Variants in GABRA2 observed in about 807,000 individuals in gnomAD.
GABRA2 encodes the protein gamma-aminobutyric acid receptor subunit alpha-2.
A neutral mutation model predicts 48.7 loss-of-function variants in GABRA2; 16 were observed. The observed-to-expected ratio is 0.33, with a 90% CI of 0.22 to 0.50. GABRA2 has a LOEUF of 0.50. GABRA2 is among the 20% of genes least tolerant of loss of function. The pLI, the probability that GABRA2 is intolerant of heterozygous loss-of-function variation, is 0.98. For missense variants in GABRA2, 275 were observed against 535.6 expected (o/e 0.51, Z 4.80); for synonymous variants, 185 against 184.5 (o/e 1.00, Z -0.02).
In GABRA2 at chr4:46,271,994, A is replaced by C. The variant is rs144912741; in HGVS notation, c.857-9866T>G. 7.8e-3 allele frequency among the ~76,000 whole-genome samples: 1,179 copies of C among 151,984 alleles called. 6 individuals are homozygous for C. The highest frequency in any genetic ancestry group is 0.034 in the Middle Eastern group (10 of 294). ...TTATTTAGCTACCTTCTATGTCTTT[A>C]CTTAATAAATTATTATTAAGTGCCT... On this transcript the variant is annotated intron_variant, in intron 8 of 9. Transcript: ENST00000381620.
chr4:46,379,521 TAATA>T (rs1389725799), intron 3 of GABRA2, among the ~76,000 whole-genome samples: 1 of 152,206 alleles, frequency 6.6e-6, no homozygotes, highest in Non-Finnish European at 1.5e-5. Flanking sequence ...ACTCATGAAA[TAATA>T]AAATGCAGTG....
chr4:46,368,848 C>A (rs564653117), intron 3 of GABRA2: 3 of 476,428 alleles, frequency 6.3e-6, no homozygotes, highest in Non-Finnish European at 7.6e-6. Context: ...TAAAACTCAA[C>A]CCCCTTCATA....
At chr4:46,389,676 A>C (rs543832878) in intron 1 of GABRA2, 59 bp downstream of exon 1, 1 of 937,488 alleles carries the variant, frequency 1.1e-6, no homozygotes, top group African/African-American at 1.8e-5. Context: ...TGAGGCATGC[A>C]CGCGAGGCAA....
intron 6 of GABRA2, among the ~76,000 whole-genome samples, chr4:46,306,714 G>A (rs1485255198): frequency 2.0e-5 from 3 of 152,088 alleles, no homozygotes; most frequent in Admixed American, 2.0e-4. Context: ...GAGAGAAAGG[G>A]CCAGTTGTCT....
At chr4:46,330,780 G>A (rs968002892) in intron 4 of GABRA2, among the ~76,000 whole-genome samples, 1 of 151,790 alleles carries the variant, frequency 6.6e-6, no homozygotes, top group Non-Finnish European at 1.5e-5. Context: ...AAGACACAAA[G>A]TACCATATTT....
chr4:46,282,787 A>T (rs570563030), intron 8 of GABRA2, among the ~76,000 whole-genome samples: 1 of 152,374 alleles, frequency 6.6e-6, no homozygotes, highest in South Asian at 2.1e-4. Context: ...ATAATAGCAA[A>T]TACTTGCATA....
intron 3 of GABRA2, among the ~76,000 whole-genome samples, chr4:46,345,144 C>T (rs1002791698): frequency 3.9e-5 from 6 of 152,012 alleles, no homozygotes; most frequent in South Asian, 4.1e-4. Flanking sequence ...TGTTCACACT[C>T]TCTCACCTGC....
chr4:46,320,637 T>C (rs547113200), intron 4 of GABRA2, among the ~76,000 whole-genome samples: 1 of 151,780 alleles, frequency 6.6e-6, no homozygotes, highest in Non-Finnish European at 1.5e-5. Context: ...AAATGGTCAA[T>C]AAGTATATAA....
At chr4:46,352,606 T>C (rs1376277438) in intron 3 of GABRA2, among the ~76,000 whole-genome samples, 3 of 152,022 alleles carry the variant, frequency 2.0e-5, no homozygotes, top group South Asian at 2.1e-4. Context: ...ATAAAGAGAA[T>C]AACGGAGATC....
chr4:46,259,263 A>G (rs1254024597), intron 9 of GABRA2, among the ~76,000 whole-genome samples: 1 of 152,018 alleles, frequency 6.6e-6, no homozygotes, highest in South Asian at 2.1e-4. Flanking sequence ...CTGGGGTTGC[A>G]TAAATAGACA....
chr4:46,273,445 G>GTCTC (rs10686716), intron 8 of GABRA2, among the ~76,000 whole-genome samples: 87,628 of 136,838 alleles, frequency 0.64, 28,403 homozygotes, highest in South Asian at 0.78. Context: ...TATTTAGACA[G>GTCTC]TCTCTCTATA....
rs141700345 is a variant in GABRA2 at position 46,272,454 on chromosome 4, T to C, written c.857-10326A>G. Among the ~76,000 whole-genome samples, 102 of 152,116 alleles carry C rather than the reference T, an allele frequency of 6.7e-4. 1 individual carries two copies. The East Asian group carries it at 0.019, about 28-fold the overall frequency. ...TTTTATGAAGCAAGCATAAATTTAG[T>C]CCCCACTTTGTGCTGAGCACTGTGG... On this transcript the variant is annotated intron_variant, in intron 8 of 9. Transcript: ENST00000381620.
intron 8 of GABRA2, among the ~76,000 whole-genome samples, chr4:46,281,814 G>A (rs1302425414): frequency 6.6e-6 from 1 of 152,100 alleles, no homozygotes; most frequent in Non-Finnish European, 1.5e-5. Context: ...AGAGTCAAGG[G>A]AATTTTATTT....
At chr4:46,261,658 G>T (rs144183623) in intron 9 of GABRA2, 18 of 550,694 alleles carry the variant, frequency 3.3e-5, no homozygotes, top group Middle Eastern at 4.8e-4. Context: ...ATGCTATAAA[G>T]ATTATGTGAG....
At chr4:46,271,194 G>A (rs1462172969) in intron 8 of GABRA2, among the ~76,000 whole-genome samples, 1 of 151,942 alleles carries the variant, frequency 6.6e-6, no homozygotes, top group Non-Finnish European at 1.5e-5. Flanking sequence ...AAAATTGTTT[G>A]ATACCACCTG....
chr4:46,370,861 C>G (rs1363869828), intron 3 of GABRA2, among the ~76,000 whole-genome samples: 1 of 151,808 alleles, frequency 6.6e-6, no homozygotes, highest in African/African-American at 2.4e-5. Context: ...TTCCAAGAAC[C>G]CTATTTTCTA....
intron 3 of GABRA2, among the ~76,000 whole-genome samples, chr4:46,336,838 T>C (rs1187800613): frequency 6.6e-6 from 1 of 152,168 alleles, no homozygotes; most frequent in African/African-American, 2.4e-5. Context: ...CTGTTAATCT[T>C]ACTCTTCTGT....
At chr4:46,250,720 C>A (rs1048991165) in intron 9 of GABRA2, 116 bp from the exon 10 acceptor site, 2 of 695,628 alleles carry the variant, frequency 2.9e-6, no homozygotes, top group Non-Finnish European at 4.7e-6. Flanking sequence ...CATGCATTAG[C>A]AAAAAACAGA....
intron 8 of GABRA2, among the ~76,000 whole-genome samples, chr4:46,266,734 T>TTTG (rs1191666080): frequency 3.4e-4 from 49 of 146,050 alleles, no homozygotes; most frequent in African/African-American, 6.4e-4. Flanking sequence ...TTTTTTTTTT[T>TTTG]TTTTTGAGAT....
Sources: gnomAD v4.1 joint callset for allele counts (sites outside exome capture counted in the v4.1 genomes callset) on GRCh38, gnomAD v4.1.1 for gene constraint, MANE v1.5 for transcripts, NCBI Gene and HGNC (gene_info 2026-07-23, HGNC 2026-07-21) for gene names.